The following CDKL4 variants were observed in gnomAD, a reference collection of about 807,000 sequenced individuals.
CDKL4 encodes cyclin-dependent kinase-like 4.
CDKL4 carries 44 observed loss-of-function variants against 42.0 expected under a neutral mutation model. That is an observed-to-expected ratio of 1.05 (90% CI 0.82 to 1.35). The LOEUF (loss-of-function observed/expected upper bound fraction) is 1.35. Among genes scored for constraint, CDKL4 ranks in the 40% most tolerant of loss-of-function variants. The probability of loss-of-function intolerance (pLI) is 0.00; values close to 1 mark genes in which losing one functional copy is unlikely to be tolerated. For synonymous variants in CDKL4, 120 were observed against 121.6 expected, an observed-to-expected ratio of 0.99 and a Z score of 0.09; for missense variants, 393 against 369.9, an observed-to-expected ratio of 1.06 and a Z score of -0.51.
At chr2:39,238,528 G>A (rs1222470053) in intron 1 of CDKL4, among the ~76,000 whole-genome samples, 3 of 151,862 alleles carry the variant, frequency 2.0e-5, no homozygotes, top group Non-Finnish European at 2.9e-5. Context: ...AGATTTATAC[G>A]GAAATGCATA....
At position 39,198,388 on chromosome 2, in the gene CDKL4, T is replaced by C. The variant is rs138896809; in HGVS notation, c.454+6139A>G. Among the ~76,000 whole-genome samples, 790 of 152,142 alleles carry C rather than the reference T, an allele frequency of 5.2e-3. 9 individuals are homozygous for C. Among genetic ancestry groups the C allele is most frequent in the African/African-American group, 0.018 (765 of 41,506 alleles). On this transcript the variant is annotated intron_variant, in intron 5 of 9. Transcript: ENST00000451199. ...AAGAAATGAGATAGTAACACAATAA[T>C]AGTGGAGGACTTCAACACTCCACTG...
Position 39,229,499 on chromosome 2 carries a change from C to A in CDKL4, c.34G>T (p.Glu12Ter). The change falls in exon 2 of 10, where the codon GAA becomes TAA. Residue 12 changes from glutamate to a stop codon, truncating the protein, a stop_gained. Coordinates refer to ENST00000451199, the Ensembl canonical transcript of CDKL4. LOFTEE classifies it high-confidence loss of function. ...TTGAATACAACCCCATAAGACCCTT[C>A]TCCAGTCTTAGCTAATTTTTCATAC... 1 of 1,608,306 alleles carries A rather than the reference C, an allele frequency of 6.2e-7. No homozygotes were observed. Among genetic ancestry groups the A allele is most frequent in the Non-Finnish European group, 8.5e-7 (1 of 1,178,622 alleles).
chr2:39,240,637 C>T (rs1010322602), intron 1 of CDKL4, among the ~76,000 whole-genome samples: 6 of 124,908 alleles, frequency 4.8e-5, no homozygotes, highest in Admixed American at 8.6e-5. Context: ...TACTATTCAG[C>T]AACAAAAAGG....
At chr2:39,227,913 G>A (rs140786327) in intron 2 of CDKL4, among the ~76,000 whole-genome samples, 2 of 152,330 alleles carry the variant, frequency 1.3e-5, no homozygotes, top group Non-Finnish European at 2.9e-5. Flanking sequence ...AGAGAGGCAA[G>A]CAATTTAAAT....
intron 5 of CDKL4, among the ~76,000 whole-genome samples, chr2:39,195,009 T>C (rs1676427043): frequency 6.6e-6 from 1 of 152,172 alleles, no homozygotes; most frequent in African/African-American, 2.4e-5. Flanking sequence ...CTATTCTTTT[T>C]TGTCTCCATG....
intron 3 of CDKL4, 133 bp from the exon 4 acceptor site, chr2:39,213,605 AT>A: frequency 2.1e-6 from 1 of 467,090 alleles, no homozygotes. Context: ...CTAAAAATAT[AT>A]TTTAGTGAAA....
exon 10 of CDKL4, chr2:39,175,865 G>T: frequency 2.7e-6 from 1 of 367,542 alleles, no homozygotes. Flanking sequence ...GCAATGATCA[G>T]AGCAAAACAA....
At chr2:39,240,139 G>C (rs1251276627) in intron 1 of CDKL4, among the ~76,000 whole-genome samples, 1 of 151,436 alleles carries the variant, frequency 6.6e-6, no homozygotes, top group African/African-American at 2.4e-5. Flanking sequence ...GCCAGGCGTG[G>C]TGGCTCACGC....
the CDKL4 span, among the ~76,000 whole-genome samples, chr2:39,170,553 T>C: frequency 6.6e-6 from 1 of 152,086 alleles, no homozygotes; most frequent in East Asian, 2.0e-4. Flanking sequence ...ACCTCCCGGA[T>C]TCAAGCGATT....
exon 2 of CDKL4, chr2:39,229,545 G>T: frequency 1.3e-6 from 2 of 1,591,278 alleles, no homozygotes; most frequent in South Asian, 2.3e-5. Flanking sequence ...TAGCTGAAGT[G>T]ACTTAAATTA....
At chr2:39,171,444 C>A (rs1558537966), downstream of CDKL4, among the ~76,000 whole-genome samples, 1 of 152,146 alleles carries the variant, frequency 6.6e-6, no homozygotes, top group Non-Finnish European at 1.5e-5. Flanking sequence ...TTGAATACAA[C>A]TTTTCAGCAA....
chr2:39,240,463 C>T (rs914716647), intron 1 of CDKL4, among the ~76,000 whole-genome samples: 1 of 151,230 alleles, frequency 6.6e-6, no homozygotes, highest in Admixed American at 6.6e-5. Flanking sequence ...CAATTTCACT[C>T]CTCAGTATCT....
At chr2:39,244,957 AT>A (rs1679847613), upstream of CDKL4, among the ~76,000 whole-genome samples, 1 of 151,580 alleles carries the variant, frequency 6.6e-6, no homozygotes, top group South Asian at 2.1e-4. Flanking sequence ...AACTGATCTG[AT>A]GGGGACGTGG....
At chr2:39,206,514 C>T (rs1189633315) in intron 4 of CDKL4, among the ~76,000 whole-genome samples, 1 of 152,192 alleles carries the variant, frequency 6.6e-6, no homozygotes, top group Non-Finnish European at 1.5e-5. Flanking sequence ...TGAGTAAGCC[C>T]GCGCGCACAT....
chr2:39,187,318 G>C (rs563369585), intron 7 of CDKL4, among the ~76,000 whole-genome samples: 49 of 152,258 alleles, frequency 3.2e-4, no homozygotes, highest in Non-Finnish European at 5.9e-4. Context: ...CTTTACAGCA[G>C]TGTGAAAATA....
chr2:39,195,854 G>A (rs1382678676), intron 5 of CDKL4, among the ~76,000 whole-genome samples: 1 of 152,062 alleles, frequency 6.6e-6, no homozygotes, highest in African/African-American at 2.4e-5. Flanking sequence ...GGCTTCTGAG[G>A]AAAATGGTTG....
chr2:39,184,680 A>G, intron 7 of CDKL4, 33 bp from the exon 8 acceptor site: 1 of 1,452,340 alleles, frequency 6.9e-7, no homozygotes, highest in Non-Finnish European at 9.6e-7. Flanking sequence ...TCAATATTAC[A>G]TAAGAACAAA....
At chr2:39,196,702 G>A (rs1676534844) in intron 5 of CDKL4, among the ~76,000 whole-genome samples, 1 of 152,112 alleles carries the variant, frequency 6.6e-6, no homozygotes, top group Non-Finnish European at 1.5e-5. Flanking sequence ...CTGCTTCCTG[G>A]GTACAAGTGA....
intron 8 of CDKL4, among the ~76,000 whole-genome samples, chr2:39,184,231 G>T (rs752279165): frequency 3.7e-4 from 57 of 152,188 alleles, no homozygotes; most frequent in Non-Finnish European, 6.5e-4. Context: ...GTATGACAGG[G>T]TCACACACCT....
Sources: gnomAD v4.1 joint callset for allele counts (sites outside exome capture counted in the v4.1 genomes callset) on GRCh38, gnomAD v4.1.1 for gene constraint, MANE v1.5 for transcripts, NCBI Gene and HGNC (gene_info 2026-07-23, HGNC 2026-07-21) for gene names.